SI: variants seen among roughly 807,000 people sequenced by gnomAD.
SI encodes sucrase-isomaltase.
In SI, 235 loss-of-function variants were observed where a neutral mutation model predicts 253.3. That is an observed-to-expected ratio of 0.93 (90% confidence interval 0.83 to 1.03). The LOEUF is 1.03. Among genes scored for constraint, SI ranks in the 50% least tolerant of loss-of-function variants. The probability of loss-of-function intolerance (pLI) is 0.00; values close to 1 mark genes in which losing one functional copy is unlikely to be tolerated. For missense variants in SI, 2,442 were observed against 2,211.1 expected (o/e 1.10, Z -2.09); for synonymous variants, 819 against 712.0 (o/e 1.15, Z -2.39).
At chr3:165,000,231 T>G (rs897172643) in intron 37 of SI, among the ~76,000 whole-genome samples, 2 of 151,340 alleles carry the variant, frequency 1.3e-5, no homozygotes, top group African/African-American at 4.8e-5. Context: ...CTTTTTTTTC[T>G]CTATTATATA....
intron 22 of SI, among the ~76,000 whole-genome samples, chr3:165,035,185 A>T (rs1054852072): frequency 6.6e-6 from 1 of 152,044 alleles, no homozygotes; most frequent in Non-Finnish European, 1.5e-5. Flanking sequence ...ATAGAGAAGT[A>T]CATAGAAGAC....
chr3:165,040,699 T>A (rs561380059), intron 18 of SI, among the ~76,000 whole-genome samples: 12 of 152,204 alleles, frequency 7.9e-5, no homozygotes, highest in African/African-American at 2.2e-4. Flanking sequence ...TATAATATCC[T>A]AACATATTTT....
At chr3:165,026,964 A>G (rs1711954850) in intron 25 of SI, among the ~76,000 whole-genome samples, 1 of 151,482 alleles carries the variant, frequency 6.6e-6, no homozygotes, top group Non-Finnish European at 1.5e-5. Flanking sequence ...AAAGGAAATA[A>G]CCAAGATTGG....
At chr3:165,062,109 C>T (rs1714012261) in intron 9 of SI, among the ~76,000 whole-genome samples, 1 of 151,728 alleles carries the variant, frequency 6.6e-6, no homozygotes, top group South Asian at 2.1e-4. Flanking sequence ...TATTCAACAT[C>T]TCAATGAATT....
intron 33 of SI, 92 bp from the exon 34 acceptor site, chr3:165,013,134 T>A (rs2108166958): frequency 1.2e-6 from 1 of 826,398 alleles, no homozygotes; most frequent in South Asian, 1.3e-5. Context: ...TATTAGAGGC[T>A]TATTATTAAC....
chr3:164,994,189 A>G, intron 41 of SI, 68 bp downstream of exon 41: 1 of 1,395,660 alleles, frequency 7.2e-7, no homozygotes, highest in South Asian at 1.2e-5. Context: ...TTGCACTATA[A>G]GAGATCATTG....
At chr3:165,069,003 AT>A (rs1714404107) in intron 4 of SI, 74 bp downstream of exon 4, 4 of 1,118,054 alleles carry the variant, frequency 3.6e-6, no homozygotes, top group Non-Finnish European at 5.5e-6. Context: ...ATTTGATTCT[AT>A]TTAAGGTATT....
rs750611743 is a variant in SI at position 164,991,494 on chromosome 3, T to C, written c.4984-17A>G. On this transcript the variant is annotated splice_polypyrimidine_tract_variant and intron_variant, in intron 43 of 47. Coordinates refer to ENST00000264382, the MANE Select transcript of SI (RefSeq NM_001041.4). ...ATCTTTGCCCTGGAAATGAAAGGGA[T>C]GGAAAGAACAGGTGGAGCAAGAAAT... 1.2e-5 allele frequency: 19 copies of C among 1,612,998 alleles called. No individual in the cohort carries two copies. The South Asian group carries it at 2.0e-4, about 17-fold the overall frequency.
intron 35 of SI, among the ~76,000 whole-genome samples, 192 bp downstream of exon 35, chr3:165,009,087 A>G (rs1163059384): frequency 6.6e-6 from 1 of 152,158 alleles, no homozygotes; most frequent in Non-Finnish European, 1.5e-5. Flanking sequence ...AGGAAATAGC[A>G]TCCATACACA....
chr3:165,038,474 C>T (rs1219593403), intron 20 of SI, among the ~76,000 whole-genome samples: 1 of 151,364 alleles, frequency 6.6e-6, no homozygotes, highest in Non-Finnish European at 1.5e-5. Flanking sequence ...CTTTGGGAGG[C>T]CATGGCGGGC....
chr3:165,048,580 TATATAGAGAG>T (rs1448872381), intron 15 of SI, among the ~76,000 whole-genome samples: 1 of 109,848 alleles, frequency 9.1e-6, no homozygotes, highest in Non-Finnish European at 2.0e-5. Flanking sequence ...TATATATATA[TATATAGAGAG>T]AGAGAGAGAG....
At chr3:165,029,522 A>G (rs1712109047) in intron 25 of SI, among the ~76,000 whole-genome samples, 1 of 147,300 alleles carries the variant, frequency 6.8e-6, no homozygotes, top group African/African-American at 2.4e-5. Flanking sequence ...AAAATGTGGA[A>G]CCAAACCAAA....
At chr3:165,054,497 G>A (rs1409208677) in intron 13 of SI, among the ~76,000 whole-genome samples, 1 of 151,962 alleles carries the variant, frequency 6.6e-6, no homozygotes, top group African/African-American at 2.4e-5. Context: ...CTCAGTTACA[G>A]GCATGTGCCA....
intron 34 of SI, 30 bp downstream of exon 34, chr3:165,012,950 C>T (rs941767290): frequency 2.9e-6 from 4 of 1,358,186 alleles, no homozygotes; most frequent in Non-Finnish European, 3.2e-6. Context: ...AATTTCTTCT[C>T]ATTGTATAGT....
In SI at chr3:165,063,087, A is replaced by G. The variant is rs554505927; in HGVS notation, c.907+355T>C. On this transcript the variant is annotated intron_variant, in intron 8 of 47. Transcript: ENST00000264382. ...AACTAAAAAAAATACTCTTTTTTCT[A>G]CTTCCATAGACATCTTTTTTGTTTT... Among the ~76,000 whole-genome samples the G allele has an allele frequency of 3.3e-5, 5 of 152,180 alleles. No homozygotes were observed. The South Asian group carries it at 1.0e-3, about 32-fold the overall frequency.
chr3:165,089,348 G>A, the SI span, among the ~76,000 whole-genome samples: 1 of 152,052 alleles, frequency 6.6e-6, no homozygotes, highest in South Asian at 2.1e-4. Context: ...CGACCCAAAT[G>A]CCCCACTGAG....
At chr3:165,080,978 G>A (rs1017508191), upstream of SI, among the ~76,000 whole-genome samples, 5 of 151,692 alleles carry the variant, frequency 3.3e-5, no homozygotes, top group African/African-American at 9.7e-5. Flanking sequence ...CTTCTATTTC[G>A]TATCGTTATC....
Position 164,998,608 on chromosome 3 carries a change from C to G in SI, c.4472G>C (p.Gly1491Ala). The change falls in exon 38 of 48, where the codon GGA becomes GCA. Residue 1491 changes from glycine to alanine, a missense_variant. By Grantham distance (60) the Gly-to-Ala change is moderately conservative. Coordinates refer to ENST00000264382, the MANE Select transcript of SI (RefSeq NM_001041.4). ...TCCAAGCCAGTGTCCTCCCCATCGTCCACTAGTAGGATACGTGGAACGAGA... is the reference window on the plus strand; with the variant it reads ...TCCAAGCCAGTGTCCTCCCCATCGTGCACTAGTAGGATACGTGGAACGAGA... ...VISRSTYPTS[G>A]RWGGHWLGDN... 1 of 1,611,786 alleles carries G rather than the reference C, an allele frequency of 6.2e-7. No homozygotes were observed. Among genetic ancestry groups the G allele is most frequent in the Non-Finnish European group, 8.5e-7 (1 of 1,178,368 alleles).
chr3:165,020,535 T>C (rs530150286), intron 27 of SI, among the ~76,000 whole-genome samples: 1 of 151,818 alleles, frequency 6.6e-6, no homozygotes, highest in South Asian at 2.1e-4. Flanking sequence ...TAGCTTCCCA[T>C]GCTTTTGAAC....
Sources: allele counts gnomAD v4.1 joint callset (sites outside exome capture counted in the v4.1 genomes callset), GRCh38; gene constraint gnomAD v4.1.1; transcripts MANE v1.5; gene names NCBI Gene and HGNC (gene_info 2026-07-23, HGNC 2026-07-21).